Variants in SH3RF3 observed in about 807,000 individuals in gnomAD.
The protein encoded by SH3RF3 is E3 ubiquitin-protein ligase SH3RF3.
A neutral mutation model predicts 66.3 loss-of-function variants in SH3RF3; 29 were observed. That is an observed-to-expected ratio of 0.44 (90% CI 0.33 to 0.60). The LOEUF is 0.60. SH3RF3 is among the 20% of genes least tolerant of loss of function. The pLI is 0.04. For missense variants in SH3RF3, 1,194 were observed against 1,190.9 expected (o/e 1.00, Z -0.04); for synonymous variants, 583 against 532.0 (o/e 1.10, Z -1.32).
chr2:109,377,005 T>G (rs987914617), intron 3 of SH3RF3, among the ~76,000 whole-genome samples: 1 of 152,250 alleles, frequency 6.6e-6, no homozygotes, highest in Non-Finnish European at 1.5e-5. Flanking sequence ...ACAGGTCTGC[T>G]TAGGAAGGAA....
chr2:109,220,078 T>C (rs1476011989), intron 1 of SH3RF3, among the ~76,000 whole-genome samples: 3 of 152,196 alleles, frequency 2.0e-5, no homozygotes, highest in South Asian at 2.1e-4. Context: ...GGGATAGATA[T>C]ATAAACCAAT....
intron 1 of SH3RF3, among the ~76,000 whole-genome samples, chr2:109,160,982 G>A (rs1405023254): frequency 6.6e-6 from 1 of 152,134 alleles, no homozygotes; most frequent in Non-Finnish European, 1.5e-5. Flanking sequence ...CAGAGAGGTG[G>A]GGGATCCCTG....
At chr2:109,235,476 C>T (rs1331694838) in intron 1 of SH3RF3, among the ~76,000 whole-genome samples, 1 of 152,224 alleles carries the variant, frequency 6.6e-6, no homozygotes, top group Non-Finnish European at 1.5e-5. Context: ...TATTAACCCT[C>T]ATGCCAGGAC....
chr2:109,500,352 C>T (rs953519103), intron 9 of SH3RF3, among the ~76,000 whole-genome samples: 1 of 152,172 alleles, frequency 6.6e-6, no homozygotes, highest in Non-Finnish European at 1.5e-5. Flanking sequence ...GCCCAGAGAG[C>T]CCCTGGGGTG....
chr2:109,394,996 G>A (rs566904248), intron 3 of SH3RF3, among the ~76,000 whole-genome samples: 5 of 152,376 alleles, frequency 3.3e-5, no homozygotes, highest in African/African-American at 1.2e-4. Flanking sequence ...GGCCGGTGAG[G>A]GTCCTTCTGA....
chr2:109,335,233 TGTGGGGCAAGGCCCCTC>T (rs1167881857), intron 1 of SH3RF3, among the ~76,000 whole-genome samples: 1 of 152,250 alleles, frequency 6.6e-6, no homozygotes, highest in Non-Finnish European at 1.5e-5. Context: ...CTGTGGGGAC[TGTGGGGCAAGGCCCCTC>T]GCCCGTCCCA....
intron 1 of SH3RF3, among the ~76,000 whole-genome samples, chr2:109,323,176 G>A (rs1682070325): frequency 6.6e-6 from 1 of 152,206 alleles, no homozygotes; most frequent in Non-Finnish European, 1.5e-5. Context: ...GGTGGGAAGG[G>A]GAGGTGTGTA....
chr2:109,206,490 C>CAAAAAAAAAAAAA (rs36060217), intron 1 of SH3RF3, among the ~76,000 whole-genome samples: 30 of 40,760 alleles, frequency 7.4e-4, no homozygotes, highest in African/African-American at 2.7e-3. Flanking sequence ...GACTCCGTCT[C>CAAAAAAAAAAAAA]AAAAAAAAAA....
intron 1 of SH3RF3, among the ~76,000 whole-genome samples, chr2:109,169,305 C>A (rs1677701933): frequency 6.6e-6 from 1 of 151,280 alleles, no homozygotes; most frequent in African/African-American, 2.4e-5. Context: ...TTGCCAAGTT[C>A]ATAGTACCAT....
chr2:109,249,874 C>G (rs190449869), intron 1 of SH3RF3, among the ~76,000 whole-genome samples: 1 of 150,764 alleles, frequency 6.6e-6, no homozygotes, highest in South Asian at 2.1e-4. Flanking sequence ...TTAGTAGAGA[C>G]GGGGTTTCAC....
intron 2 of SH3RF3, among the ~76,000 whole-genome samples, chr2:109,369,181 TAAAAAAAAAAAAA>T (rs748661837): frequency 7.2e-6 from 1 of 138,264 alleles, no homozygotes; most frequent in African/African-American, 2.7e-5. Context: ...CGTCTCTTCT[TAAAAAAAAAAAAA>T]AAAATTAGCC....
chr2:109,318,765 G>C (rs1681947445), intron 1 of SH3RF3, among the ~76,000 whole-genome samples: 1 of 152,148 alleles, frequency 6.6e-6, no homozygotes, highest in Non-Finnish European at 1.5e-5. Flanking sequence ...CCAATCTAAA[G>C]ACAAAGCATG....
At chr2:109,474,089 GCA>G (rs1203810057) in intron 8 of SH3RF3, among the ~76,000 whole-genome samples, 2 of 152,298 alleles carry the variant, frequency 1.3e-5, no homozygotes, top group East Asian at 1.9e-4. Flanking sequence ...TCCATTTGAT[GCA>G]CAGTCTGGGC....
chr2:109,433,027 G>A (rs982775513), intron 6 of SH3RF3, among the ~76,000 whole-genome samples: 2 of 152,282 alleles, frequency 1.3e-5, no homozygotes, highest in Non-Finnish European at 2.9e-5. Flanking sequence ...TATGCTATGC[G>A]TGTGCAGTGT....
chr2:109,199,990 C>T (rs1006066506), intron 1 of SH3RF3, among the ~76,000 whole-genome samples: 3 of 152,020 alleles, frequency 2.0e-5, no homozygotes, highest in Admixed American at 6.6e-5. Flanking sequence ...GTTGTCACAG[C>T]TAAGGTGGGG....
At chr2:109,466,072 CTTT>C (rs1171998206) in intron 8 of SH3RF3, among the ~76,000 whole-genome samples, 1 of 82,330 alleles carries the variant, frequency 1.2e-5, no homozygotes. Flanking sequence ...ACCTGTACAT[CTTT>C]TTTTTTTTTT....
At chr2:109,394,345 C>A (rs1333315345) in intron 3 of SH3RF3, among the ~76,000 whole-genome samples, 4 of 152,112 alleles carry the variant, frequency 2.6e-5, no homozygotes, top group African/African-American at 7.2e-5. Flanking sequence ...CTGGCCCAAC[C>A]TTTACTGTCC....
rs571232109 is a variant in SH3RF3, at chr2:109,455,687, C to G, written c.2148+6198C>G. ...AATCGCTGGCTTATAAATGTATTTC[C>G]TCTCGAGTGGAGGCACCCTGCAATA... On this transcript the variant is annotated intron_variant, in intron 8 of 9. Coordinates refer to ENST00000309415, the MANE Select transcript of SH3RF3 (RefSeq NM_001099289.3). 2.0e-5 allele frequency among the ~76,000 whole-genome samples: 3 copies of G among 152,314 alleles called. No individual in the cohort carries two copies. In the South Asian group the frequency reaches 6.2e-4, roughly 32 times the overall value.
chr2:109,180,795 T>C (rs1033307458), intron 1 of SH3RF3, among the ~76,000 whole-genome samples: 2 of 152,208 alleles, frequency 1.3e-5, no homozygotes, highest in African/African-American at 4.8e-5. Context: ...GTCTCTGGTA[T>C]GTCTATCAGC....
Sources: gnomAD v4.1 joint callset for allele counts (sites outside exome capture counted in the v4.1 genomes callset) on GRCh38, gnomAD v4.1.1 for gene constraint, MANE v1.5 for transcripts, NCBI Gene and HGNC (gene_info 2026-07-23, HGNC 2026-07-21) for gene names.